The following CMKLR2 variants were observed in gnomAD, a reference collection of about 807,000 sequenced individuals.
CMKLR2 encodes chemerin chemokine-like receptor 2.
A neutral mutation model predicts 23.0 loss-of-function variants in CMKLR2; 18 were observed. The observed-to-expected ratio is 0.78, with a 90% confidence interval of 0.54 to 1.16. CMKLR2 has a LOEUF of 1.16. Among genes scored for constraint, CMKLR2 ranks in the 50% most tolerant of loss-of-function variants. The pLI, the probability that CMKLR2 is intolerant of heterozygous loss-of-function variation, is 0.00. For synonymous variants in CMKLR2, 158 were observed against 158.9 expected (o/e 0.99, Z 0.05); for missense variants, 401 against 412.7 (o/e 0.97, Z 0.25).
At chr2:206,185,375 A>G (rs1169932449) in intron 1 of CMKLR2, among the ~76,000 whole-genome samples, 2 of 152,230 alleles carry the variant, frequency 1.3e-5, no homozygotes, top group Non-Finnish European at 2.9e-5. Flanking sequence ...TTAGTCGTGG[A>G]TATTTCCAGC....
chr2:206,178,674 A>G (rs927873313), intron 1 of CMKLR2, among the ~76,000 whole-genome samples: 2 of 151,726 alleles, frequency 1.3e-5, no homozygotes, highest in African/African-American at 4.8e-5. Flanking sequence ...TGTTTTTTTG[A>G]GACAACCTCC....
chr2:206,179,063 T>G (rs1355835270), intron 1 of CMKLR2, among the ~76,000 whole-genome samples: 2,022 of 64,276 alleles, frequency 0.031, 151 homozygotes, highest in African/African-American at 0.11. Context: ...CCCTTTTTTT[T>G]TTTTTTTTTT....
At chr2:206,211,772 G>A (rs4675591) in intron 1 of CMKLR2, among the ~76,000 whole-genome samples, 126,810 of 136,576 alleles carry the variant, frequency 0.93, 58,828 homozygotes, top group Admixed American at 0.94. Context: ...ATTAAAAAAA[G>A]AAAAAGAAAA....
At chr2:206,206,917 C>CCTT (rs34198269) in intron 1 of CMKLR2, among the ~76,000 whole-genome samples, 17 of 126,140 alleles carry the variant, frequency 1.3e-4, no homozygotes, top group South Asian at 5.4e-4. Context: ...CCCCCTGCCC[C>CCTT]TTTTTTTTTT....
At chr2:206,201,680 C>T (rs1030710874) in intron 1 of CMKLR2, among the ~76,000 whole-genome samples, 1 of 152,098 alleles carries the variant, frequency 6.6e-6, no homozygotes, top group Non-Finnish European at 1.5e-5. Context: ...TAACTTTGCC[C>T]TTGGGCTGTC....
At chr2:206,193,035 C>T (rs886828762) in intron 1 of CMKLR2, among the ~76,000 whole-genome samples, 2 of 152,056 alleles carry the variant, frequency 1.3e-5, no homozygotes, top group African/African-American at 4.8e-5. Context: ...AGTACAAATA[C>T]AGCCATTGAT....
rs751042183 is a variant in CMKLR2 at position 206,176,225 on chromosome 2, C to A, written c.1023G>T (p.Arg341Ser). The change falls in exon 2 of 2, where the codon AGG (arginine) becomes AGT (serine). Residue 341 changes from arginine (R) to serine (S), a missense_variant. Physicochemically the swap from Arg to Ser is moderately radical, Grantham distance 110 (BLOSUM62 -1). Coordinates refer to ENST00000621141, the MANE Select transcript of CMKLR2 (RefSeq NM_001389445.1). ...GACACAGATTCTTGGTTTCTGAGTT[C>A]CTGAGCTGTTCACTCACTGTGCCAG... is the stretch of plus-strand genomic sequence containing the variant. ...SCSGTVSEQL[R>S]NSETKNLCLL... The A allele has an allele frequency of 6.2e-7, 1 of 1,613,990 alleles. No individual in the cohort carries two copies.
At chr2:206,200,611 A>C (rs1382223939) in intron 1 of CMKLR2, among the ~76,000 whole-genome samples, 1 of 152,224 alleles carries the variant, frequency 6.6e-6, no homozygotes, top group Non-Finnish European at 1.5e-5. Context: ...TCACTGAAAC[A>C]TAACACAAGC....
chr2:206,176,783 CAG>C lies in CMKLR2; in HGVS notation c.463_464del (p.Leu155AspfsTer28), dbSNP rs774618288. ...SHRHRTLKNS[L>X]IVIIFIWLLA... Reference sequence around the variant, plus strand: ...AAAGCCAGATGAATATAATGACAATCAGAGAGTTCTTGAGGGTTCGATGCCGA... The same window carrying C: ...AAAGCCAGATGAATATAATGACAATCAGAGTTCTTGAGGGTTCGATGCCGA... On this transcript the variant is annotated frameshift_variant, in exon 2 of 2. Coordinates refer to ENST00000621141, the MANE Select transcript of CMKLR2 (RefSeq NM_001389445.1). LOFTEE classifies it high-confidence loss of function. 2 of 1,614,106 alleles carry C rather than the reference CAG, an allele frequency of 1.2e-6. No homozygotes were observed. Among genetic ancestry groups the C allele is most frequent in the Non-Finnish European group, 1.7e-6 (2 of 1,180,028 alleles).
chr2:206,213,728 T>A (rs1250656298), upstream of CMKLR2: 3 of 152,258 alleles, frequency 2.0e-5, no homozygotes, highest in Non-Finnish European at 4.4e-5. Flanking sequence ...TTAGCAGAGA[T>A]GGAATGTTCT....
Position 206,177,149 on chromosome 2 carries a change from C to A in CMKLR2, c.99G>T (p.Gln33His). Residue 33 changes from glutamine (Q) to histidine (H), a missense_variant, in exon 2 of 2, where the codon CAG (glutamine) becomes CAT (histidine). By Grantham distance (24) the Gln-to-His change is conservative. Transcript: ENST00000621141. ...SLESDLEEKV[Q>H]LGVVHWVSLV... ...GGGAGACCCAGTGAACAACTCCCAG[C>A]TGGACTTTCTCCTCCAAATCAGACT... 2 of 1,614,020 alleles carry A rather than the reference C, an allele frequency of 1.2e-6. No homozygotes were observed. The highest frequency in any genetic ancestry group is 1.7e-6 in the Non-Finnish European group (2 of 1,179,858).
chr2:206,209,832 T>C (rs531846482), intron 1 of CMKLR2, among the ~76,000 whole-genome samples: 28 of 151,434 alleles, frequency 1.8e-4, no homozygotes, highest in Admixed American at 4.6e-4. Flanking sequence ...GTATTTTTAG[T>C]AGAGACGGAG....
rs1339865297 is a variant in CMKLR2, at chr2:206,176,521, T to C, written c.727A>G (p.Arg243Gly). The C allele has an allele frequency of 6.2e-7, 1 of 1,614,120 alleles. No homozygotes were observed. Among genetic ancestry groups the C allele is most frequent in the East Asian group, 2.2e-5 (1 of 44,890 alleles). ...VKKRSILISS[R>G]HFWTILVVVV... Reference sequence around the variant, plus strand: ...ACAACCAGAATTGTCCAGAAATGCCTACTGGAGATCAGGATGCTTCGCTTC... The same window carrying C: ...ACAACCAGAATTGTCCAGAAATGCCCACTGGAGATCAGGATGCTTCGCTTC... Residue 243 changes from arginine to glycine, a missense_variant, in exon 2 of 2, where the codon AGG becomes GGG. Transcript: ENST00000621141.
chr2:206,185,047 G>A (rs1055354861), intron 1 of CMKLR2, among the ~76,000 whole-genome samples: 2 of 152,092 alleles, frequency 1.3e-5, no homozygotes, highest in Non-Finnish European at 2.9e-5. Context: ...GAGTGCAGTG[G>A]CATGATCTCG....
At chr2:206,214,165 A>ATTTTTTTTTTTTTTTTTTTTTTTT (rs34307347), upstream of CMKLR2, among the ~76,000 whole-genome samples, 3 of 64,928 alleles carry the variant, frequency 4.6e-5, 1 homozygote, top group Non-Finnish European at 8.1e-5. Context: ...TAAAGACTTG[A>ATTTTTTTTTTTTTTTTTTTTTTTT]TTTTTTTTTT....
chr2:206,198,710 C>T (rs1034005597), intron 1 of CMKLR2, among the ~76,000 whole-genome samples: 2 of 152,180 alleles, frequency 1.3e-5, no homozygotes, highest in South Asian at 4.1e-4. Context: ...TCCCTCATTC[C>T]TCCCACAGAA....
intron 1 of CMKLR2, among the ~76,000 whole-genome samples, chr2:206,199,074 C>A (rs1417159065): frequency 6.6e-6 from 1 of 152,092 alleles, no homozygotes; most frequent in African/African-American, 2.4e-5. Context: ...TAGCCCAAAC[C>A]CCCTTTTCTT....
At chr2:206,178,815 AT>A (rs1318564013) in intron 1 of CMKLR2, among the ~76,000 whole-genome samples, 2 of 151,790 alleles carry the variant, frequency 1.3e-5, no homozygotes, top group Admixed American at 6.6e-5. Flanking sequence ...CTCCTGGCTA[AT>A]TTTTGTATTT....
chr2:206,210,421 C>T (rs548501877), intron 1 of CMKLR2, among the ~76,000 whole-genome samples: 2 of 151,360 alleles, frequency 1.3e-5, no homozygotes, highest in East Asian at 1.9e-4. Context: ...AGGTTGATTC[C>T]AGGTCTTTGC....
Sources: allele counts gnomAD v4.1 joint callset (sites outside exome capture counted in the v4.1 genomes callset), GRCh38; gene constraint gnomAD v4.1.1; transcripts MANE v1.5; gene names NCBI Gene and HGNC (gene_info 2026-07-23, HGNC 2026-07-21).